Variants in RIF1 observed in about 807,000 individuals in gnomAD.
RIF1 encodes replication timing regulatory factor 1.
In RIF1, 45 loss-of-function variants were observed where a neutral mutation model predicts 247.1. That is an observed-to-expected ratio of 0.18 (90% CI 0.14 to 0.23). The LOEUF (loss-of-function observed/expected upper bound fraction) is 0.23, where lower values mean the gene tolerates loss of function less well. Ranked by LOEUF, RIF1 falls within the 10% of genes least tolerant of loss-of-function variation. RIF1 has a pLI of 1.00. For synonymous variants in RIF1, 1,087 were observed against 978.8 expected (o/e 1.11, Z -2.06); for missense variants, 2,967 against 2,862.5 (o/e 1.04, Z -0.83).
intron 2 of RIF1, among the ~76,000 whole-genome samples, chr2:151,410,893 T>C (rs996701720): frequency 1.3e-5 from 2 of 152,112 alleles, no homozygotes; most frequent in African/African-American, 4.8e-5. Flanking sequence ...ATACACTGAT[T>C]TTTATTAATT....
At chr2:151,437,485 G>C (rs565212158) in intron 13 of RIF1, 134 bp downstream of exon 13, 1 of 646,922 alleles carries the variant, frequency 1.5e-6, no homozygotes, top group Admixed American at 2.8e-5. Context: ...GAGCTCAGGA[G>C]TTCGAGACCA....
chr2:151,512,807 T>C, downstream of RIF1: 1 of 1,613,518 alleles, frequency 6.2e-7, no homozygotes, highest in Non-Finnish European at 8.5e-7. Context: ...AAATTGGCTT[T>C]CTCCATTTCT....
In RIF1 at chr2:151,422,886, G is replaced by T. The variant is rs1420042272; in HGVS notation, c.694-64G>T. The T allele has an allele frequency of 9.5e-6, 8 of 841,636 alleles. No individual in the cohort carries two copies. In the Middle Eastern group the frequency reaches 1.1e-3, roughly 118 times the overall value. 52.1% of individuals were successfully genotyped at this position (841,636 alleles called of 1,614,324 possible). A position where few individuals can be genotyped will look rare whatever the true frequency, so the allele number is the denominator to read the frequency against. ...AATCAGTTTTTGAAAATTATTCCTA[G>T]ACTTTGGTATTGGATTTTTTTTTCT... On this transcript the variant is annotated intron_variant, in intron 7 of 35. Coordinates refer to ENST00000444746, the MANE Select transcript of RIF1 (RefSeq NM_018151.5).
At position 151,437,315 on chromosome 2, in the gene RIF1, C is replaced by T. The variant is rs771750208; in HGVS notation, c.1447C>T (p.His483Tyr). Residue 483 changes from histidine (H) to tyrosine (Y), a missense_variant, in exon 13 of 36, where the codon CAT (histidine) becomes TAT (tyrosine). Physicochemically the swap from His to Tyr is moderately conservative, Grantham distance 83. Transcript: ENST00000444746. ...KHANTLITAV[H>Y]DSFVAVGKDA... ...TGCAAATACACTTATCACTGCTGTTCATGATAGCTTTGTTGCAGTTGGAAA... is the reference window on the plus strand; with the variant it reads ...TGCAAATACACTTATCACTGCTGTTTATGATAGCTTTGTTGCAGTTGGAAA... 3 of 1,613,580 alleles carry T rather than the reference C, an allele frequency of 1.9e-6. No individual in the cohort carries two copies. Among genetic ancestry groups the T allele is most frequent in the Non-Finnish European group, 2.5e-6 (3 of 1,179,696 alleles).
intron 8 of RIF1, among the ~76,000 whole-genome samples, chr2:151,427,489 G>A (rs927349450): frequency 2.7e-5 from 4 of 150,490 alleles, no homozygotes; most frequent in African/African-American, 4.9e-5. Context: ...GGGATTGCAG[G>A]TGTGAGCCAC....
At position 151,481,172 on chromosome 2, in the gene RIF1, A is replaced by G. The variant is rs1424713952; in HGVS notation, c.*6101A>G. ...TTTAAAGAGTTTGTCAATCCCTTTTATGGAGGAAGGTTTTGCTCATGCATG... is the reference window on the plus strand; with the variant it reads ...TTTAAAGAGTTTGTCAATCCCTTTTGTGGAGGAAGGTTTTGCTCATGCATG... On this transcript the variant is annotated 3_prime_UTR_variant, in exon 36 of 36. Coordinates refer to ENST00000444746, the MANE Select transcript of RIF1 (RefSeq NM_018151.5). 6.6e-6 allele frequency: 1 copy of G among 152,184 alleles called. No homozygotes were observed. The highest frequency in any genetic ancestry group is 2.4e-5 in the African/African-American group (1 of 41,428). The allele number at this position is 152,184 out of a possible 1,614,324, so 9.4% of individuals were successfully genotyped here. A position where few individuals can be genotyped will look rare whatever the true frequency, so the allele number is the denominator to read the frequency against.
At chr2:151,437,709 A>G (rs968992443) in intron 13 of RIF1, among the ~76,000 whole-genome samples, 3 of 152,228 alleles carry the variant, frequency 2.0e-5, no homozygotes, top group African/African-American at 7.2e-5. Context: ...AAATATGAAG[A>G]TAAAATAACA....
chr2:151,508,063 G>A (rs1171243731), downstream of RIF1: 6 of 1,611,090 alleles, frequency 3.7e-6, no homozygotes, highest in East Asian at 8.9e-5. Context: ...GTCCAAAACA[G>A]TCTCATAATA....
chr2:151,442,638 G>T (rs947612490), intron 16 of RIF1, among the ~76,000 whole-genome samples: 2 of 151,934 alleles, frequency 1.3e-5, no homozygotes, highest in African/African-American at 4.8e-5. Context: ...AATGCACTTA[G>T]TATCTCTAGG....
chr2:151,497,614 T>G, intron 10 of RIF1: 1 of 1,559,866 alleles, frequency 6.4e-7, no homozygotes, highest in South Asian at 1.2e-5. Flanking sequence ...TTTTCTTTTC[T>G]TGCCAAAGTA....
Position 151,464,355 on chromosome 2 carries a change from T to C in RIF1, c.4835T>C (p.Val1612Ala), listed in dbSNP as rs980554308. The C allele has an allele frequency of 6.2e-7, 1 of 1,610,916 alleles. No individual in the cohort carries two copies. The highest frequency in any genetic ancestry group is 8.5e-7 in the Non-Finnish European group (1 of 1,179,122). ...HDYKATSEED[V>A]SIKSPICEKQ... The stretch of plus-strand genomic sequence containing the variant: ...TATAAAGCAACTTCTGAAGAAGATG[T>C]AAGCATAAAATCTCCGATTTGCGAA... The change falls in exon 30 of 36, where the codon GTA becomes GCA. Residue 1612 changes from valine to alanine, a missense_variant. This residue lies in a region of RIF1 where 2,028 missense variants were observed against 1,825.6 expected (regional missense o/e 1.11). Coordinates refer to ENST00000444746, the MANE Select transcript of RIF1 (RefSeq NM_018151.5).
intron 3 of RIF1, 67 bp from the exon 4 acceptor site, chr2:151,414,756 C>A (rs1686902496): frequency 3.7e-6 from 4 of 1,087,260 alleles, no homozygotes; most frequent in Admixed American, 2.0e-5. Flanking sequence ...CTGTAATCAA[C>A]TTCTGCTTTC....
chr2:151,527,338 C>T, the RIF1 span: 1 of 739,572 alleles, frequency 1.4e-6, no homozygotes, highest in Admixed American at 2.8e-5. Context: ...TCGCCTATCG[C>T]TCCCCCAACC....
intron 33 of RIF1, among the ~76,000 whole-genome samples, chr2:151,469,332 C>G (rs897882862): frequency 1.3e-5 from 2 of 152,122 alleles, no homozygotes; most frequent in African/African-American, 2.4e-5. Flanking sequence ...GTAGCATAAT[C>G]CCCAATAGGA....
chr2:151,534,358 C>A, the RIF1 span: 1 of 1,554,518 alleles, frequency 6.4e-7, no homozygotes, highest in South Asian at 1.1e-5. Context: ...AAGAGTACAA[C>A]TTCAAGGCTA....
chr2:151,519,152 CG>C, the RIF1 span: 3 of 889,306 alleles, frequency 3.4e-6, no homozygotes, highest in African/African-American at 1.6e-5. Context: ...GATAGCCCAT[CG>C]TCAAACAAAT....
chr2:151,496,906 C>CATTA (rs769901450), intron 10 of RIF1: 1 of 1,502,430 alleles, frequency 6.7e-7, no homozygotes, highest in Non-Finnish European at 9.1e-7. Flanking sequence ...TTTTTAAAAT[C>CATTA]AGTAAGTAGT....
At chr2:151,462,638 G>A (rs1384945540) in intron 29 of RIF1, among the ~76,000 whole-genome samples, 172 bp downstream of exon 29, 1 of 135,320 alleles carries the variant, frequency 7.4e-6, no homozygotes, top group Non-Finnish European at 1.6e-5. Context: ...AATATCAGCA[G>A]ACACTAGTCA....
rs1266330489 is a variant in RIF1 at position 151,468,517 on chromosome 2, G to A, written c.6791G>A (p.Arg2264His). The change falls in exon 32 of 36, where the codon CGT becomes CAT. Residue 2264 changes from arginine to histidine, a missense_variant. Arg to His is a conservative substitution (Grantham distance 29, BLOSUM62 0). Coordinates refer to ENST00000444746, the MANE Select transcript of RIF1 (RefSeq NM_018151.5). ...SAKGFLSPGSRSPKFKSSKKC... is the reference protein window; with the variant it reads ...SAKGFLSPGSHSPKFKSSKKC... ...AAAGGATTTCTGTCCCCAGGATCACGTAGCCCTAAATTTAAGAGCTCAAAG... is the reference window on the plus strand; with the variant it reads ...AAAGGATTTCTGTCCCCAGGATCACATAGCCCTAAATTTAAGAGCTCAAAG... The A allele has an allele frequency of 1.1e-5, 17 of 1,613,540 alleles. No homozygotes were observed. The highest frequency in any genetic ancestry group is 5.0e-5 in the Admixed American group (3 of 60,016).
Sources: allele counts gnomAD v4.1 joint callset (sites outside exome capture counted in the v4.1 genomes callset), GRCh38; gene constraint gnomAD v4.1.1; regional missense constraint gnomAD v4.1.1; transcripts MANE v1.5; gene names NCBI Gene and HGNC (gene_info 2026-07-23, HGNC 2026-07-21).